Variants in ANKS1B observed in about 807,000 individuals in gnomAD.
ANKS1B encodes the protein ankyrin repeat and sterile alpha motif domain containing 1B.
Under a neutral mutation model 148.3 loss-of-function variants are expected in ANKS1B, and 36 were observed. The observed-to-expected ratio is 0.24, with a 90% CI of 0.19 to 0.32. ANKS1B has a LOEUF of 0.32. Ranked by LOEUF, ANKS1B falls within the 10% of genes least tolerant of loss-of-function variation. The probability of loss-of-function intolerance (pLI) is 1.00; values close to 1 mark genes in which losing one functional copy is unlikely to be tolerated. For synonymous variants in ANKS1B, 542 were observed against 560.8 expected, an observed-to-expected ratio of 0.97 and a Z score of 0.47; for missense variants, 1,157 against 1,542.6, an observed-to-expected ratio of 0.75 and a Z score of 4.19.
intron 14 of ANKS1B, among the ~76,000 whole-genome samples, chr12:99,230,484 C>T (rs1738963475): frequency 6.6e-6 from 1 of 152,062 alleles, no homozygotes; most frequent in African/African-American, 2.4e-5. Context: ...CATTTTTAAA[C>T]CATTGATACG....
chr12:99,201,978 C>A (rs1006849975), intron 14 of ANKS1B, among the ~76,000 whole-genome samples: 5 of 151,680 alleles, frequency 3.3e-5, no homozygotes, highest in African/African-American at 1.2e-4. Flanking sequence ...ATATATGTAC[C>A]ATGTACCAGG....
chr12:99,959,660 T>A (rs2095380544), intron 1 of ANKS1B, among the ~76,000 whole-genome samples: 2 of 152,270 alleles, frequency 1.3e-5, no homozygotes, highest in African/African-American at 2.4e-5. Context: ...AAAATAATGT[T>A]TTCATGGCCA....
At chr12:99,947,527 A>G (rs1197745101) in intron 1 of ANKS1B, among the ~76,000 whole-genome samples, 3 of 152,204 alleles carry the variant, frequency 2.0e-5, no homozygotes, top group Admixed American at 2.0e-4. Flanking sequence ...CAGGAAATAG[A>G]ATTCATTTCC....
chr12:99,935,040 C>T (rs1051648958), intron 1 of ANKS1B, among the ~76,000 whole-genome samples: 7 of 150,338 alleles, frequency 4.7e-5, no homozygotes, highest in African/African-American at 7.4e-5. Flanking sequence ...CTTTCTATTC[C>T]GATAAATAAA....
intron 10 of ANKS1B, among the ~76,000 whole-genome samples, chr12:99,483,875 T>G (rs746651857): frequency 6.6e-6 from 1 of 152,052 alleles, no homozygotes; most frequent in African/African-American, 2.4e-5. Flanking sequence ...TTGAGCTTAT[T>G]TGAATCTTCT....
At chr12:99,106,267 C>T (rs1050901696) in intron 15 of ANKS1B, among the ~76,000 whole-genome samples, 2 of 152,162 alleles carry the variant, frequency 1.3e-5, no homozygotes, top group East Asian at 1.9e-4. Context: ...CATCATCAGC[C>T]GACATCATGG....
At chr12:99,350,379 T>G (rs2091275144) in intron 12 of ANKS1B, among the ~76,000 whole-genome samples, 1 of 151,912 alleles carries the variant, frequency 6.6e-6, no homozygotes, top group Non-Finnish European at 1.5e-5. Context: ...AATACAGCTA[T>G]GGACACTCAC....
chr12:99,909,217 C>CATAT (rs1399208524), intron 1 of ANKS1B, among the ~76,000 whole-genome samples: 66 of 137,394 alleles, frequency 4.8e-4, no homozygotes, highest in African/African-American at 1.7e-3. Context: ...AATATTCCAT[C>CATAT]GTGTGTGTGT....
Position 98,871,820 on chromosome 12 carries a change from C to T in ANKS1B, c.2779-39684G>A, listed in dbSNP as rs749134403. On this transcript the variant is annotated intron_variant, in intron 17 of 26. Coordinates refer to ENST00000683438, the MANE Select transcript of ANKS1B (RefSeq NM_001352186.2). The stretch of plus-strand genomic sequence containing the variant: ...TACTGGAATTTAAGCAACGTGAAAT[C>T]TCATCACTTTAGCAATGACAATGAA... Among the ~76,000 whole-genome samples, 128 of 152,158 alleles carry T rather than the reference C, an allele frequency of 8.4e-4. 1 individual carries two copies. In the Middle Eastern group the frequency reaches 0.02, roughly 24 times the overall value.
At chr12:99,466,151 A>T (rs549317582) in intron 10 of ANKS1B, among the ~76,000 whole-genome samples, 2 of 152,290 alleles carry the variant, frequency 1.3e-5, no homozygotes, top group Non-Finnish European at 2.9e-5. Flanking sequence ...AAACCACTCA[A>T]CTACATGGAA....
intron 17 of ANKS1B, among the ~76,000 whole-genome samples, chr12:98,921,927 A>C (rs1338148624): frequency 1.3e-5 from 2 of 152,238 alleles, no homozygotes; most frequent in African/African-American, 4.8e-5. Context: ...GGATCATAAA[A>C]GAAAAAAAGT....
chr12:98,867,797 G>A (rs1387601294), intron 17 of ANKS1B, among the ~76,000 whole-genome samples: 1 of 151,574 alleles, frequency 6.6e-6, no homozygotes, highest in African/African-American at 2.4e-5. Flanking sequence ...GGGAGGAGGA[G>A]CTTGCAGTGA....
chr12:98,903,454 T>C (rs888652183), intron 17 of ANKS1B, among the ~76,000 whole-genome samples: 9 of 152,164 alleles, frequency 5.9e-5, no homozygotes, highest in African/African-American at 2.2e-4. Flanking sequence ...GGAACTCTTC[T>C]CACTGGGGCT....
chr12:99,705,920 A>G (rs1388168561), intron 8 of ANKS1B, among the ~76,000 whole-genome samples: 1 of 152,136 alleles, frequency 6.6e-6, no homozygotes, highest in Non-Finnish European at 1.5e-5. Flanking sequence ...ATAGAAAATC[A>G]ATCACAATTA....
rs199582340 is a variant in ANKS1B, at chr12:99,317,025, CTGTG to C, written c.1757-70165_1757-70162del. Reference sequence around the variant, plus strand: ...GAGGACTCTGCTCTGTTCCATTGGTCTGTGTGTGTTTTGGTACCAGTACCATGCT... The same window carrying C: ...GAGGACTCTGCTCTGTTCCATTGGTCTGTGTTTTGGTACCAGTACCATGCT... On this transcript the variant is annotated intron_variant, in intron 12 of 26. Coordinates refer to ENST00000683438, the MANE Select transcript of ANKS1B (RefSeq NM_001352186.2). Among the ~76,000 whole-genome samples the C allele has an allele frequency of 6.0e-3, 916 of 151,784 alleles. 15 individuals carry two copies. The highest frequency in any genetic ancestry group is 0.021 in the African/African-American group (872 of 41,456).
chr12:99,364,476 T>C (rs2092660908), intron 12 of ANKS1B, among the ~76,000 whole-genome samples: 1 of 152,194 alleles, frequency 6.6e-6, no homozygotes, highest in Admixed American at 6.5e-5. Context: ...CCATAGCTCT[T>C]TGGAAACTGT....
At chr12:98,980,357 C>T (rs1045916552) in intron 17 of ANKS1B, among the ~76,000 whole-genome samples, 6 of 152,258 alleles carry the variant, frequency 3.9e-5, no homozygotes, top group African/African-American at 9.6e-5. Context: ...CCCGCCACCA[C>T]GCCCAGCTAA....
intron 8 of ANKS1B, among the ~76,000 whole-genome samples, chr12:99,681,363 G>A (rs945628491): frequency 2.0e-5 from 3 of 152,192 alleles, no homozygotes; most frequent in African/African-American, 7.2e-5. Flanking sequence ...CAACTTCACT[G>A]CTAACACAAC....
At chr12:99,912,134 G>C (rs1705093779) in intron 1 of ANKS1B, among the ~76,000 whole-genome samples, 1 of 152,178 alleles carries the variant, frequency 6.6e-6, no homozygotes, top group African/African-American at 2.4e-5. Context: ...TGTGGAAGCA[G>C]GACAGAGAAA....
Sources: gnomAD v4.1 joint callset for allele counts (sites outside exome capture counted in the v4.1 genomes callset) on GRCh38, gnomAD v4.1.1 for gene constraint, MANE v1.5 for transcripts, NCBI Gene and HGNC (gene_info 2026-07-23, HGNC 2026-07-21) for gene names.